DPYSL3: variants seen among roughly 807,000 people sequenced by gnomAD.
The protein encoded by DPYSL3 is dihydropyrimidinase like 3, also known as dihydropyrimidinase-related protein 3.
DPYSL3 carries 16 observed loss-of-function variants against 66.1 expected under a neutral mutation model. That is an observed-to-expected ratio of 0.24 (90% confidence interval 0.16 to 0.37). The LOEUF (loss-of-function observed/expected upper bound fraction) is 0.37, where lower values mean the gene tolerates loss of function less well. Ranked by LOEUF, DPYSL3 falls within the 10% of genes least tolerant of loss-of-function variation. The pLI is 1.00. For missense variants in DPYSL3, 738 were observed against 916.2 expected, an observed-to-expected ratio of 0.81 and a Z score of 2.51; for synonymous variants, 338 against 345.1, an observed-to-expected ratio of 0.98 and a Z score of 0.23.
intron 11 of DPYSL3, among the ~76,000 whole-genome samples, chr5:147,398,426 T>C (rs1758061860): frequency 6.6e-6 from 1 of 152,178 alleles, no homozygotes; most frequent in Non-Finnish European, 1.5e-5. Context: ...ACCTCCAATT[T>C]TTAATCTATA....
chr5:147,420,504 G>A (rs893416272), intron 2 of DPYSL3, among the ~76,000 whole-genome samples: 1 of 152,156 alleles, frequency 6.6e-6, no homozygotes, highest in Non-Finnish European at 1.5e-5. Flanking sequence ...GGGGAAGACA[G>A]CATGATGATT....
Position 147,415,834 on chromosome 5 carries a change from T to C in DPYSL3, c.695A>G (p.Glu232Gly). 6.2e-7 allele frequency: 1 copy of C among 1,614,078 alleles called. No homozygotes were observed. Among genetic ancestry groups the C allele is most frequent in the East Asian group, 2.2e-5 (1 of 44,854 alleles). Residue 232 changes from glutamate to glycine, a missense_variant, in exon 4 of 14, where the codon GAG becomes GGG. Transcript: ENST00000343218. ...VVPEPESSLTEAYEKWREWAD... is the reference protein window; with the variant it reads ...VVPEPESSLTGAYEKWREWAD... ...CCACTCTCTCCATTTCTCATAGGCC[T>C]CAGTCAGGCTGGACTCAGGCTCAGG...
intron 11 of DPYSL3, 74 bp downstream of exon 11, chr5:147,399,008 A>G: frequency 6.4e-7 from 1 of 1,561,130 alleles, no homozygotes; most frequent in Non-Finnish European, 8.7e-7. Flanking sequence ...CACACCACAT[A>G]AACACATTTC....
intron 1 of DPYSL3, among the ~76,000 whole-genome samples, chr5:147,508,479 G>C (rs1428682186): frequency 6.6e-6 from 1 of 152,192 alleles, no homozygotes; most frequent in Non-Finnish European, 1.5e-5. Flanking sequence ...ACCTAGACAA[G>C]GGTGAGGGCA....
At chr5:147,430,185 G>A (rs374461329) in intron 1 of DPYSL3, among the ~76,000 whole-genome samples, 4 of 152,006 alleles carry the variant, frequency 2.6e-5, no homozygotes, top group Non-Finnish European at 5.9e-5. Flanking sequence ...AGGGAGGGAG[G>A]AAAGGAGGGA....
At position 147,405,073 on chromosome 5, in the gene DPYSL3, C is replaced by T. The variant is rs150799623; in HGVS notation, c.1153+537G>A. Among the ~76,000 whole-genome samples the T allele has an allele frequency of 6.0e-3, 918 of 152,266 alleles. 11 individuals are homozygous for T. The highest frequency in any genetic ancestry group is 0.021 in the African/African-American group (891 of 41,556). ...CAAAAATTGAGGACAACAGGGGCCT[C>T]TCAGCATCTATTCTGTAACTGTTCA... On this transcript the variant is annotated intron_variant, in intron 8 of 13. Coordinates refer to ENST00000343218, the MANE Select transcript of DPYSL3 (RefSeq NM_001197294.2).
At chr5:147,414,180 C>T (rs992486109) in intron 4 of DPYSL3, among the ~76,000 whole-genome samples, 1 of 152,160 alleles carries the variant, frequency 6.6e-6, no homozygotes. Context: ...GCTCTTAGCA[C>T]CAGGCTTGGC....
At chr5:147,448,015 A>G (rs185456618) in intron 1 of DPYSL3, among the ~76,000 whole-genome samples, 4 of 152,348 alleles carry the variant, frequency 2.6e-5, no homozygotes. Context: ...AAATGTAATA[A>G]GCAAACACAA....
chr5:147,419,560 G>A (rs867458866), intron 2 of DPYSL3, among the ~76,000 whole-genome samples: 2 of 152,162 alleles, frequency 1.3e-5, no homozygotes, highest in South Asian at 2.1e-4. Context: ...ATGGATAACA[G>A]GGAGACCTAT....
intron 1 of DPYSL3, chr5:147,453,465 C>G: frequency 6.8e-7 from 1 of 1,464,372 alleles, no homozygotes; most frequent in Admixed American, 2.3e-5. Flanking sequence ...CCAGAGAAGC[C>G]GGCGGGATCC....
chr5:147,400,562 G>C, intron 10 of DPYSL3, 130 bp downstream of exon 10: 1 of 1,275,482 alleles, frequency 7.8e-7, no homozygotes, highest in South Asian at 1.6e-5. Flanking sequence ...CATGGTTCCA[G>C]AGACATCTCA....
chr5:147,394,292 T>C (rs545907661), intron 13 of DPYSL3, among the ~76,000 whole-genome samples, 169 bp from the exon 14 acceptor site: 1 of 152,320 alleles, frequency 6.6e-6, no homozygotes. Flanking sequence ...TTCTAGACTT[T>C]TCTTATGGCC....
At chr5:147,430,835 C>T (rs1250955810) in intron 1 of DPYSL3, among the ~76,000 whole-genome samples, 2 of 152,138 alleles carry the variant, frequency 1.3e-5, no homozygotes, top group Non-Finnish European at 2.9e-5. Context: ...GACTTCTTCC[C>T]AGTCAATAAA....
At chr5:147,434,380 G>A (rs901320129) in intron 1 of DPYSL3, among the ~76,000 whole-genome samples, 1 of 152,134 alleles carries the variant, frequency 6.6e-6, no homozygotes, top group Admixed American at 6.5e-5. Flanking sequence ...CACGTGCCAT[G>A]GGTGGAAGCT....
Position 147,400,681 on chromosome 5 carries a change from C to G in DPYSL3, c.1452+11G>C, listed in dbSNP as rs1276565286. The G allele has an allele frequency of 6.2e-7, 1 of 1,613,618 alleles. No homozygotes were observed. The highest frequency in any genetic ancestry group is 8.5e-7 in the Non-Finnish European group (1 of 1,179,676). On this transcript the variant is annotated intron_variant, in intron 10 of 13. Transcript: ENST00000343218. ...GGCTCTGGCCACCCTCCCATGACCT[C>G]CATGCCTTACCACAGCCTTGTCCCA...
At chr5:147,425,524 T>C (rs1052450383) in intron 1 of DPYSL3, among the ~76,000 whole-genome samples, 2 of 152,190 alleles carry the variant, frequency 1.3e-5, no homozygotes, top group African/African-American at 2.4e-5. Flanking sequence ...ATAAAACCGC[T>C]AGAAGGGGAA....
intron 1 of DPYSL3, among the ~76,000 whole-genome samples, chr5:147,430,353 G>GA (rs1428270247): frequency 5.3e-5 from 8 of 151,080 alleles, no homozygotes; most frequent in East Asian, 2.0e-4. Context: ...AAAAGAAAAA[G>GA]AAAAAAAATA....
At chr5:147,484,793 T>C (rs970380322) in intron 1 of DPYSL3, among the ~76,000 whole-genome samples, 5 of 152,230 alleles carry the variant, frequency 3.3e-5, no homozygotes, top group Admixed American at 2.0e-4. Context: ...TGACGTGGTT[T>C]GTTAACTGCT....
intron 1 of DPYSL3, among the ~76,000 whole-genome samples, chr5:147,434,313 T>G (rs1037060777): frequency 6.6e-6 from 1 of 152,198 alleles, no homozygotes; most frequent in African/African-American, 2.4e-5. Context: ...TATGATAGTT[T>G]TGTGTTTTAT....
Sources: allele counts gnomAD v4.1 joint callset (sites outside exome capture counted in the v4.1 genomes callset), GRCh38; gene constraint gnomAD v4.1.1; transcripts MANE v1.5; gene names NCBI Gene and HGNC (gene_info 2026-07-23, HGNC 2026-07-21).